Variants in KIF14 observed in about 807,000 individuals in gnomAD.
The protein encoded by KIF14 is kinesin-like protein KIF14.
A neutral mutation model predicts 176.2 loss-of-function variants in KIF14; 98 were observed. That is an observed-to-expected ratio of 0.56 (90% confidence interval 0.47 to 0.66). The LOEUF is 0.66. Among genes scored for constraint, KIF14 ranks in the 30% least tolerant of loss-of-function variants. The pLI, the probability that KIF14 is intolerant of heterozygous loss-of-function variation, is 0.00. For synonymous variants in KIF14, 566 were observed against 632.2 expected (o/e 0.90, Z 1.57); for missense variants, 1,751 against 1,920.4 (o/e 0.91, Z 1.65).
chr1:200,558,176 A>G (rs7543922), intron 27 of KIF14, among the ~76,000 whole-genome samples: 85,468 of 151,784 alleles, frequency 0.56, 24,776 homozygotes, highest in East Asian at 0.69. Flanking sequence ...GGCTGGTTTC[A>G]TATTCTGGGC....
At chr1:200,554,188 C>T (rs1428208770) in intron 29 of KIF14, among the ~76,000 whole-genome samples, 3 of 152,108 alleles carry the variant, frequency 2.0e-5, no homozygotes, top group African/African-American at 4.8e-5. Context: ...GTCAGGAGTT[C>T]GAGACCAGCC....
chr1:200,552,420 A>T lies in KIF14; in HGVS notation c.*968T>A, dbSNP rs996143463. On this transcript the variant is annotated 3_prime_UTR_variant, in exon 30 of 30. Transcript: ENST00000367350. ...CAAATTATTTCATTATACCTTTAAC[A>T]AAACAAGCATTATCAAGAGAAGGTC... is the stretch of plus-strand genomic sequence containing the variant. The T allele has an allele frequency of 2.0e-5, 3 of 152,136 alleles. No homozygotes were observed. The highest frequency in any genetic ancestry group is 4.4e-5 in the Non-Finnish European group (3 of 68,018). 9.4% of individuals were successfully genotyped at this position (152,136 alleles called of 1,614,324 possible).
At position 200,565,113 on chromosome 1, in the gene KIF14, G is replaced by A. The variant is rs746472804; in HGVS notation, c.4027C>T (p.Gln1343Ter). 5 of 1,612,598 alleles carry A rather than the reference G, an allele frequency of 3.1e-6. No homozygotes were observed. The South Asian group carries it at 4.4e-5, about 14-fold the overall frequency. Residue 1343 changes from glutamine (Q) to a stop codon, truncating the protein, a stop_gained, in exon 25 of 30, where the codon CAA (glutamine) becomes TAA (stop). Transcript: ENST00000367350. LOFTEE classifies it high-confidence loss of function. ...TAGCCTCCCAGTTTTTTAACTTCTT[G>A]TCTCAACTCATCCTCAAGTCTTGCT... ...NIARLEDELR[Q>*]EVKKLGGYLQ...
intron 22 of KIF14, among the ~76,000 whole-genome samples, chr1:200,572,670 T>A (rs1285067458): frequency 6.6e-6 from 1 of 152,208 alleles, no homozygotes; most frequent in Non-Finnish European, 1.5e-5. Flanking sequence ...TAATGCTCAT[T>A]ATTAATGGTC....
At position 200,553,449 on chromosome 1, in the gene KIF14, T is replaced by C. The variant is rs1166445335; in HGVS notation, c.4886A>G (p.His1629Arg). The change falls in exon 30 of 30, where the codon CAT (histidine) becomes CGT (arginine). Residue 1629 changes from histidine (H) to arginine (R), a missense_variant. Physicochemically the swap from His to Arg is conservative, Grantham distance 29. Coordinates refer to ENST00000367350, the MANE Select transcript of KIF14 (RefSeq NM_014875.3). ...KGVPKRVYELHGSSPAVSSEE... is the reference protein window; with the variant it reads ...KGVPKRVYELRGSSPAVSSEE... ...TGAGCTCACTGCTGGGGATGAGCCA[T>C]GGAGCTCATAGACACGCTTTGGTAC... 3 of 1,613,926 alleles carry C rather than the reference T, an allele frequency of 1.9e-6. No individual in the cohort carries two copies. The highest frequency in any genetic ancestry group is 1.7e-5 in the Admixed American group (1 of 60,016).
intron 5 of KIF14, among the ~76,000 whole-genome samples, chr1:200,608,207 G>GA (rs1659978637): frequency 6.6e-6 from 1 of 151,928 alleles, no homozygotes; most frequent in Non-Finnish European, 1.5e-5. Context: ...CTATGTTTTG[G>GA]CTTATAGACT....
At chr1:200,574,045 C>G (rs1422635877) in intron 22 of KIF14, among the ~76,000 whole-genome samples, 1 of 152,124 alleles carries the variant, frequency 6.6e-6, no homozygotes, top group East Asian at 1.9e-4. Context: ...GTCACTTAAC[C>G]TCTCTAAATC....
At chr1:200,620,152 C>T (rs1188409365) in intron 1 of KIF14, among the ~76,000 whole-genome samples, 1 of 152,172 alleles carries the variant, frequency 6.6e-6, no homozygotes, top group East Asian at 1.9e-4. Flanking sequence ...CTCCCATCAA[C>T]GTTTCAACTC....
chr1:200,559,283 TTATA>T, intron 27 of KIF14, 43 bp downstream of exon 27: 1 of 1,206,334 alleles, frequency 8.3e-7, no homozygotes, highest in Non-Finnish European at 1.1e-6. Flanking sequence ...AAAATCAACT[TTATA>T]TATTATTTAG....
At chr1:200,602,841 GC>G (rs1196517958) in intron 10 of KIF14, among the ~76,000 whole-genome samples, 7 of 152,066 alleles carry the variant, frequency 4.6e-5, no homozygotes, top group Non-Finnish European at 7.4e-5. Flanking sequence ...TATACAACTA[GC>G]AATATGTTTG....
At chr1:200,597,111 G>A (rs1377109874) in intron 14 of KIF14, among the ~76,000 whole-genome samples, 2 of 151,326 alleles carry the variant, frequency 1.3e-5, no homozygotes, top group Non-Finnish European at 2.9e-5. Context: ...TGTTGCCCAG[G>A]CTGGACTCAA....
Position 200,617,873 on chromosome 1 carries a change from T to A in KIF14, c.851A>T (p.Glu284Val), listed in dbSNP as rs941688952. The A allele has an allele frequency of 2.5e-6, 4 of 1,614,098 alleles. No homozygotes were observed. The African/African-American group carries it at 5.3e-5, about 22-fold the overall frequency. The part of the protein sequence containing the change: ...EKRTPTKCTT[E>V]HKLTTKCSLP... Reference sequence around the variant, plus strand: ...GCTGCACTTTGTTGTCAGTTTGTGTTCTGTTGTACATTTTGTAGGTGTTCT... The same window carrying A: ...GCTGCACTTTGTTGTCAGTTTGTGTACTGTTGTACATTTTGTAGGTGTTCT... Residue 284 changes from glutamate (E) to valine (V), a missense_variant, in exon 2 of 30, where the codon GAA becomes GTA. Glu to Val is a moderately radical substitution (Grantham distance 121). Coordinates refer to ENST00000367350, the MANE Select transcript of KIF14 (RefSeq NM_014875.3).
intron 4 of KIF14, among the ~76,000 whole-genome samples, chr1:200,610,333 AAAAATAC>A (rs1450359535): frequency 1.3e-5 from 2 of 151,958 alleles, no homozygotes; most frequent in East Asian, 1.9e-4. Context: ...ACTAAAATAC[AAAAATAC>A]AAAATACAAA....
intron 15 of KIF14, 74 bp from the exon 16 acceptor site, chr1:200,592,314 CCAA>C (rs1659096284): frequency 8.1e-7 from 1 of 1,229,236 alleles, no homozygotes; most frequent in South Asian, 1.4e-5. Context: ...TTTATTTTGC[CCAA>C]CAATTCAATA....
chr1:200,584,450 A>G (rs900256996), intron 19 of KIF14, among the ~76,000 whole-genome samples: 2 of 152,196 alleles, frequency 1.3e-5, no homozygotes, highest in African/African-American at 4.8e-5. Context: ...AGATCCAAAA[A>G]TCTTCAACAA....
At chr1:200,557,532 T>G (rs1346583577) in intron 27 of KIF14, among the ~76,000 whole-genome samples, 1 of 152,164 alleles carries the variant, frequency 6.6e-6, no homozygotes, top group Admixed American at 6.5e-5. Flanking sequence ...AGGTAAGTTG[T>G]TCAAGGCTAC....
intron 29 of KIF14, among the ~76,000 whole-genome samples, 170 bp downstream of exon 29, chr1:200,554,298 G>T (rs1212782084): frequency 6.6e-6 from 1 of 152,126 alleles, no homozygotes; most frequent in Non-Finnish European, 1.5e-5. Flanking sequence ...GGCTGAGGCA[G>T]GAGAATCGCT....
chr1:200,608,700 G>A, intron 5 of KIF14, 130 bp downstream of exon 5: 1 of 620,910 alleles, frequency 1.6e-6, no homozygotes, highest in Non-Finnish European at 2.9e-6. Flanking sequence ...TAATTGGACT[G>A]TAGATCCAAG....
chr1:200,601,974 G>A lies in KIF14; in HGVS notation c.2074C>T (p.Leu692Phe), dbSNP rs760130917. The A allele has an allele frequency of 3.7e-6, 6 of 1,613,620 alleles. No individual in the cohort carries two copies. Among genetic ancestry groups the A allele is most frequent in the Admixed American group, 1.7e-5 (1 of 59,980 alleles). ...AAACGGGCTTGGTTAGCATATCTAA[G>A]TGTGCTTAATGTTTCTTCTATGTTG... ...ASNIEETLSTLRYANQARLIV... is the reference protein window; with the variant it reads ...ASNIEETLSTFRYANQARLIV... The change falls in exon 11 of 30, where the codon CTT (leucine) becomes TTT (phenylalanine). Residue 692 changes from leucine (L) to phenylalanine (F), a missense_variant. Transcript: ENST00000367350.
Sources: allele counts gnomAD v4.1 joint callset (sites outside exome capture counted in the v4.1 genomes callset), GRCh38; gene constraint gnomAD v4.1.1; transcripts MANE v1.5; gene names NCBI Gene and HGNC (gene_info 2026-07-23, HGNC 2026-07-21).